Variants in HIF3A observed in about 807,000 individuals in gnomAD.
HIF3A encodes hypoxia-inducible factor 3-alpha.
Under a neutral mutation model 67.2 loss-of-function variants are expected in HIF3A, and 41 were observed. The ratio of observed to expected loss-of-function variants is 0.61; its 90% CI spans 0.48 to 0.79. The LOEUF is 0.79. Among genes scored for constraint, HIF3A ranks in the 30% least tolerant of loss-of-function variants. HIF3A has a pLI of 0.00. For missense variants in HIF3A, 855 were observed against 898.0 expected (o/e 0.95, Z 0.61); for synonymous variants, 356 against 374.8 (o/e 0.95, Z 0.58).
At chr19:46,332,302 G>A (rs892261285) in intron 13 of HIF3A, among the ~76,000 whole-genome samples, 5 of 152,096 alleles carry the variant, frequency 3.3e-5, no homozygotes, top group African/African-American at 1.2e-4. Context: ...GGGAGGCCGA[G>A]GTGGGTGGAT....
At chr19:46,335,355 C>T (rs558142459) in intron 14 of HIF3A, among the ~76,000 whole-genome samples, 2 of 151,910 alleles carry the variant, frequency 1.3e-5, no homozygotes, top group East Asian at 1.9e-4. Flanking sequence ...CTGCAACCTC[C>T]GCCTCCCAGG....
intron 6 of HIF3A, 180 bp from the exon 7 acceptor site, chr19:46,311,981 G>T: frequency 3.9e-6 from 3 of 763,468 alleles, no homozygotes; most frequent in South Asian, 2.7e-5. Flanking sequence ...CATCTTTGGG[G>T]GTCATTATTC....
At chr19:46,322,096 T>A in intron 10 of HIF3A, 130 bp downstream of exon 10, 1 of 878,926 alleles carries the variant, frequency 1.1e-6, no homozygotes, top group Non-Finnish European at 1.7e-6. Flanking sequence ...GAGGTTGGGA[T>A]GAGATGGGGT....
intron 9 of HIF3A, among the ~76,000 whole-genome samples, chr19:46,321,507 C>T (rs1970360026): frequency 6.6e-6 from 1 of 152,148 alleles, no homozygotes; most frequent in Non-Finnish European, 1.5e-5. Flanking sequence ...TTGCTCGAAC[C>T]CAGGAGGCAG....
In HIF3A at chr19:46,297,160, C is replaced by T; in HGVS notation, c.26+58C>T. The T allele has an allele frequency of 9.7e-7, 1 of 1,031,036 alleles. No homozygotes were observed. The highest frequency in any genetic ancestry group is 3.8e-5 in the South Asian group (1 of 26,102). 63.9% of individuals were successfully genotyped at this position (1,031,036 alleles called of 1,614,324 possible). A position where few individuals can be genotyped will look rare whatever the true frequency, so the allele number is the denominator to read the frequency against. ...TTGGGGGGCTCTCCTCCTGGAGACC[C>T]CTGAGCTGGATTGTTGGGGGGGGTG... On this transcript the variant is annotated intron_variant, in intron 1 of 14. Coordinates refer to ENST00000377670, the MANE Select transcript of HIF3A (RefSeq NM_152795.4). The surrounding 1 kb of genome is among the most constrained non-coding windows in gnomAD (Gnocchi z 4.5).
At chr19:46,301,368 C>T (rs915723269) in intron 1 of HIF3A, among the ~76,000 whole-genome samples, 5 of 152,128 alleles carry the variant, frequency 3.3e-5, no homozygotes, top group Admixed American at 6.5e-5. Flanking sequence ...AGAGGTTCTG[C>T]TTCCCTCGGA....
At chr19:46,323,595 A>G (rs999157867) in intron 10 of HIF3A, among the ~76,000 whole-genome samples, 1 of 152,130 alleles carries the variant, frequency 6.6e-6, no homozygotes. Flanking sequence ...TCATATATAT[A>G]TATGTGTGTA....
At chr19:46,319,097 C>T (rs1015819228) in intron 8 of HIF3A, among the ~76,000 whole-genome samples, 7 of 152,224 alleles carry the variant, frequency 4.6e-5, no homozygotes, top group African/African-American at 1.4e-4. Context: ...ATGTGTCACA[C>T]GTGCACATAT....
At chr19:46,322,775 A>G (rs1970471743) in intron 10 of HIF3A, among the ~76,000 whole-genome samples, 1 of 152,122 alleles carries the variant, frequency 6.6e-6, no homozygotes. Flanking sequence ...AGCGGCTCAC[A>G]GTAATCAGGA....
Position 46,332,370 on chromosome 19 carries a change from C to CA in HIF3A, c.1830+1110dup, listed in dbSNP as rs567991296. Reference sequence around the variant, plus strand: ...GCAACATAGTAAGATGCTGTCTGTACAAAAAAAAAAAAATTAAAATTTAAG... The same window carrying CA: ...GCAACATAGTAAGATGCTGTCTGTACAAAAAAAAAAAAAATTAAAATTTAAG... On this transcript the variant is annotated intron_variant, in intron 13 of 14. Coordinates refer to ENST00000377670, the MANE Select transcript of HIF3A (RefSeq NM_152795.4). Among the ~76,000 whole-genome samples the CA allele has an allele frequency of 6.3e-3, 804 of 126,970 alleles. 1 individual carries two copies. The highest frequency in any genetic ancestry group is 0.016 in the African/African-American group (561 of 34,306). 83.3% of individuals were successfully genotyped at this position (126,970 alleles called of 152,430 possible). A position where few individuals can be genotyped will look rare whatever the true frequency, so the allele number is the denominator to read the frequency against.
intron 13 of HIF3A, among the ~76,000 whole-genome samples, chr19:46,332,457 C>T (rs945234435): frequency 1.2e-4 from 19 of 152,164 alleles, no homozygotes; most frequent in Admixed American, 1.2e-3. Context: ...AAAGCATCAC[C>T]CGAGCCTGGG....
Position 46,297,261 on chromosome 19 carries a change from A to G in HIF3A, c.26+159A>G, listed in dbSNP as rs1324188095. On this transcript the variant is annotated intron_variant, in intron 1 of 14. Transcript: ENST00000377670. This position sits in a 1 kb window ranked among gnomAD's most constrained non-coding sequence, Gnocchi z 4.5. ...CATCCCCACCGCACTCTCCACCCTTAGGGACTGCAGGGGTGGGGGATTCCC... is the reference window on the plus strand; with the variant it reads ...CATCCCCACCGCACTCTCCACCCTTGGGGACTGCAGGGGTGGGGGATTCCC... 6.6e-6 allele frequency among the ~76,000 whole-genome samples: 1 copy of G among 151,952 alleles called. No homozygotes were observed. The highest frequency in any genetic ancestry group is 1.9e-4 in the East Asian group (1 of 5,144).
rs1323972977 is a variant in HIF3A at position 46,340,206 on chromosome 19, T to C, written c.*584T>C. The C allele has an allele frequency of 6.6e-6, 1 of 152,310 alleles. No individual in the cohort carries two copies. Among genetic ancestry groups the C allele is most frequent in the Non-Finnish European group, 1.5e-5 (1 of 68,122 alleles). The allele number at this position is 152,310 out of a possible 1,614,324, so 9.4% of individuals were successfully genotyped here. ...GACCTCACCCCCAGTGACTTCCGAT[T>C]GAGGCCAAAGACCCCAAGCTGCCCG... On this transcript the variant is annotated 3_prime_UTR_variant, in exon 15 of 15. Transcript: ENST00000377670.
At chr19:46,336,085 C>CCT (rs1971590713) in intron 14 of HIF3A, among the ~76,000 whole-genome samples, 2 of 79,370 alleles carry the variant, frequency 2.5e-5, no homozygotes, top group African/African-American at 1.1e-4. Flanking sequence ...CTCTCTCTCT[C>CCT]TTTTTTTTTT....
At chr19:46,308,066 G>GTGGA (rs965568119) in intron 3 of HIF3A, among the ~76,000 whole-genome samples, 155 bp from the exon 4 acceptor site, 6 of 152,146 alleles carry the variant, frequency 3.9e-5, no homozygotes, top group African/African-American at 1.4e-4. Context: ...TGCTCAGTGG[G>GTGGA]TGGATGGATG....
At chr19:46,337,924 G>C (rs1331293416) in intron 14 of HIF3A, among the ~76,000 whole-genome samples, 1 of 152,224 alleles carries the variant, frequency 6.6e-6, no homozygotes, top group Non-Finnish European at 1.5e-5. Flanking sequence ...GGCCAGGGCT[G>C]TCTGGGTCCC....
At position 46,340,703 on chromosome 19, in the gene HIF3A, G is replaced by A. The variant is rs761475401; in HGVS notation, c.*1081G>A. 4 of 152,230 alleles carry A rather than the reference G, an allele frequency of 2.6e-5. No individual in the cohort carries two copies. Among genetic ancestry groups the A allele is most frequent in the Non-Finnish European group, 4.4e-5 (3 of 68,092 alleles). 9.4% of individuals were successfully genotyped at this position (152,230 alleles called of 1,614,324 possible). A position where few individuals can be genotyped will look rare whatever the true frequency, so the allele number is the denominator to read the frequency against. On this transcript the variant is annotated 3_prime_UTR_variant, in exon 15 of 15. Coordinates refer to ENST00000377670, the MANE Select transcript of HIF3A (RefSeq NM_152795.4). The stretch of plus-strand genomic sequence containing the variant: ...TTTAGTAGAGATGGGGTTTCACCAC[G>A]TTGTCCAGTCTGGTCTCGAACTCCT...
intron 10 of HIF3A, among the ~76,000 whole-genome samples, chr19:46,324,446 TAC>T (rs1465354510): frequency 6.6e-6 from 1 of 152,176 alleles, no homozygotes; most frequent in African/African-American, 2.4e-5. Flanking sequence ...TCCAGAGAAA[TAC>T]AGACTGTGAC....
At chr19:46,322,105 G>C (rs1182726605) in intron 10 of HIF3A, 139 bp downstream of exon 10, 1 of 812,846 alleles carries the variant, frequency 1.2e-6, no homozygotes, top group Non-Finnish European at 1.9e-6. Flanking sequence ...ATGAGATGGG[G>C]TTGAGGTTCC....
Sources: allele counts gnomAD v4.1 joint callset (sites outside exome capture counted in the v4.1 genomes callset), GRCh38; gene constraint gnomAD v4.1.1; non-coding constraint Gnocchi (gnomAD v3.1); transcripts MANE v1.5; gene names NCBI Gene and HGNC (gene_info 2026-07-23, HGNC 2026-07-21).